Variants in ANO3 observed in about 807,000 individuals in gnomAD.
ANO3 encodes the protein anoctamin-3.
A neutral mutation model predicts 144.8 loss-of-function variants in ANO3; 99 were observed. The ratio of observed to expected loss-of-function variants is 0.68; its 90% CI spans 0.58 to 0.81. The LOEUF (loss-of-function observed/expected upper bound fraction) is 0.81. Ranked by LOEUF, ANO3 falls within the 30% of genes least tolerant of loss-of-function variation. The pLI, the probability that ANO3 is intolerant of heterozygous loss-of-function variation, is 0.00. For synonymous variants in ANO3, 414 were observed against 392.6 expected (o/e 1.05, Z -0.64); for missense variants, 905 against 1,202.2 (o/e 0.75, Z 3.66).
At chr11:26,537,315 TC>T in intron 9 of ANO3, 90 bp from the exon 10 acceptor site, 1 of 1,045,290 alleles carries the variant, frequency 9.6e-7, no homozygotes, top group Non-Finnish European at 1.5e-6. Context: ...AACTTTTTAA[TC>T]GATTCATTGT....
At chr11:26,202,998 G>T (rs1458213049) in intron 1 of ANO3, among the ~76,000 whole-genome samples, 1 of 152,046 alleles carries the variant, frequency 6.6e-6, no homozygotes, top group East Asian at 1.9e-4. Flanking sequence ...GACAGAGATG[G>T]AAAACAAGAA....
intron 1 of ANO3, among the ~76,000 whole-genome samples, chr11:26,426,898 C>T (rs1329708019): frequency 1.3e-5 from 2 of 152,190 alleles, no homozygotes; most frequent in Admixed American, 6.5e-5. Flanking sequence ...TTGTGATTTT[C>T]GTTCTGTCCA....
At chr11:26,622,682 A>G (rs187023946) in intron 17 of ANO3, among the ~76,000 whole-genome samples, 58 of 152,330 alleles carry the variant, frequency 3.8e-4, no homozygotes, top group Admixed American at 3.7e-3. Flanking sequence ...CAGCCATGAT[A>G]GTCAATCCTG....
At chr11:26,624,581 G>T in intron 18 of ANO3, 83 bp downstream of exon 18, 1 of 995,714 alleles carries the variant, frequency 1.0e-6, no homozygotes. Context: ...ATATAATGTA[G>T]CATTTTAATA....
intron 1 of ANO3, among the ~76,000 whole-genome samples, chr11:26,197,287 T>C (rs1196745183): frequency 6.6e-6 from 1 of 152,202 alleles, no homozygotes; most frequent in Admixed American, 6.5e-5. Context: ...AGGTTCGCAA[T>C]AGAAAACACT....
At chr11:26,234,957 T>C (rs916098631) in intron 1 of ANO3, among the ~76,000 whole-genome samples, 20 of 145,024 alleles carry the variant, frequency 1.4e-4, no homozygotes, top group Admixed American at 1.4e-4. Context: ...AGAAGGCTGA[T>C]TGATGTCTCA....
In ANO3 at chr11:26,661,202, C is replaced by T. The variant is rs1189371702; in HGVS notation, c.*758C>T. 3 of 152,576 alleles carry T rather than the reference C, an allele frequency of 2.0e-5. No homozygotes were observed. Among genetic ancestry groups the T allele is most frequent in the African/African-American group, 7.2e-5 (3 of 41,452 alleles). 9.5% of individuals were successfully genotyped at this position (152,576 alleles called of 1,614,324 possible). ...TTTGTACTAAATGCCAATAAAGCCA[C>T]ATACTTATAAACTATGAATGGCTAT... On this transcript the variant is annotated 3_prime_UTR_variant, in exon 27 of 27. Coordinates refer to ENST00000256737, the MANE Select transcript of ANO3 (RefSeq NM_031418.4).
intron 17 of ANO3, among the ~76,000 whole-genome samples, chr11:26,607,826 C>T (rs531939777): frequency 6.6e-6 from 1 of 152,338 alleles, no homozygotes; most frequent in East Asian, 1.9e-4. Context: ...TTCTACATAG[C>T]ACCTCCTCTA....
intron 1 of ANO3, among the ~76,000 whole-genome samples, chr11:26,194,581 A>G (rs1478035626): frequency 6.6e-6 from 1 of 150,974 alleles, no homozygotes; most frequent in Non-Finnish European, 1.5e-5. Flanking sequence ...GCTCACTGCA[A>G]TCTCTGCCTC....
At chr11:26,373,437 C>T (rs1472569980) in intron 1 of ANO3, among the ~76,000 whole-genome samples, 1 of 152,168 alleles carries the variant, frequency 6.6e-6, no homozygotes, top group East Asian at 1.9e-4. Flanking sequence ...TTGCCTTCCG[C>T]CATGATTGTA....
intron 1 of ANO3, among the ~76,000 whole-genome samples, chr11:26,425,184 A>C (rs999539405): frequency 2.0e-5 from 3 of 151,984 alleles, no homozygotes; most frequent in Admixed American, 1.3e-4. Context: ...TTCACGTTTT[A>C]TTTTCACACT....
chr11:26,418,158 G>A (rs1857646666), intron 1 of ANO3, among the ~76,000 whole-genome samples: 1 of 152,070 alleles, frequency 6.6e-6, no homozygotes, highest in Non-Finnish European at 1.5e-5. Flanking sequence ...GCAGCAGGTG[G>A]CAAGAAGTGG....
At chr11:26,413,924 TAA>T (rs1857500374) in intron 1 of ANO3, among the ~76,000 whole-genome samples, 1 of 152,046 alleles carries the variant, frequency 6.6e-6, no homozygotes, top group Non-Finnish European at 1.5e-5. Flanking sequence ...GTAACTATAA[TAA>T]ATTCTGAAAG....
intron 17 of ANO3, among the ~76,000 whole-genome samples, chr11:26,614,724 C>A (rs1852200282): frequency 6.6e-6 from 1 of 152,058 alleles, no homozygotes; most frequent in Non-Finnish European, 1.5e-5. Context: ...ATGTTTTCTC[C>A]ATAGGAAGAA....
At chr11:26,428,892 T>TAAAGAATATAG (rs1383916577) in intron 1 of ANO3, among the ~76,000 whole-genome samples, 2 of 152,190 alleles carry the variant, frequency 1.3e-5, no homozygotes, top group East Asian at 3.9e-4. Flanking sequence ...ACGAGAACTC[T>TAAAGAATATAG]AAAGAATATA....
intron 4 of ANO3, among the ~76,000 whole-genome samples, chr11:26,488,901 A>AT: frequency 6.6e-6 from 1 of 152,180 alleles, no homozygotes; most frequent in East Asian, 1.9e-4. Flanking sequence ...TGATTGGTCC[A>AT]TTTTACAGAG....
At chr11:26,541,892 A>C in intron 10 of ANO3, 55 bp from the exon 11 acceptor site, 1 of 1,530,100 alleles carries the variant, frequency 6.5e-7, no homozygotes, top group South Asian at 1.2e-5. Context: ...GTTCTTACTC[A>C]GTTAAAATTT....
At chr11:26,403,824 A>C (rs1266740287) in intron 1 of ANO3, among the ~76,000 whole-genome samples, 1 of 151,772 alleles carries the variant, frequency 6.6e-6, no homozygotes, top group Non-Finnish European at 1.5e-5. Flanking sequence ...CTCCTTGAAC[A>C]TTTCAAGCAT....
At chr11:26,451,841 A>G (rs548059136) in intron 3 of ANO3, among the ~76,000 whole-genome samples, 4 of 152,320 alleles carry the variant, frequency 2.6e-5, no homozygotes, top group South Asian at 2.1e-4. Context: ...ACCCCCTAGT[A>G]GGGGCAGACT....
Sources: allele counts gnomAD v4.1 joint callset (sites outside exome capture counted in the v4.1 genomes callset), GRCh38; gene constraint gnomAD v4.1.1; transcripts MANE v1.5; gene names NCBI Gene and HGNC (gene_info 2026-07-23, HGNC 2026-07-21).